ZMYM4: variants seen among roughly 807,000 people sequenced by gnomAD.
ZMYM4 encodes the protein zinc finger MYM-type protein 4.
A neutral mutation model predicts 183.2 loss-of-function variants in ZMYM4; 31 were observed. That is an observed-to-expected ratio of 0.17 (90% CI 0.13 to 0.23). The LOEUF (loss-of-function observed/expected upper bound fraction) is 0.23. ZMYM4 is among the 10% of genes least tolerant of loss of function. The pLI is 1.00. For synonymous variants in ZMYM4, 592 were observed against 631.2 expected, an observed-to-expected ratio of 0.94 and a Z score of 0.93; for missense variants, 1,273 against 1,840.3, an observed-to-expected ratio of 0.69 and a Z score of 5.64.
Position 35,389,923 on chromosome 1 carries a change from T to C in ZMYM4, c.2437-25T>C. On this transcript the variant is annotated intron_variant, in intron 14 of 29. Coordinates refer to ENST00000314607, the MANE Select transcript of ZMYM4 (RefSeq NM_005095.3). This position sits in a 1 kb window ranked among gnomAD's most constrained non-coding sequence, Gnocchi z 4.0. ...AGACCACAGATAATTTGTTTCTTAC[T>C]CCTTGACTACCTTCTTCTTTTTAGA... The C allele has an allele frequency of 6.3e-7, 1 of 1,595,162 alleles. No individual in the cohort carries two copies. Among genetic ancestry groups the C allele is most frequent in the South Asian group, 1.1e-5 (1 of 89,332 alleles).
At chr1:35,289,847 G>T (rs754923362) in intron 1 of ZMYM4, among the ~76,000 whole-genome samples, 10 of 152,060 alleles carry the variant, frequency 6.6e-5, no homozygotes, top group Admixed American at 5.2e-4. Flanking sequence ...ATATCCTAAA[G>T]ACCTTTTTAG....
intron 5 of ZMYM4, among the ~76,000 whole-genome samples, chr1:35,369,384 C>A (rs1250333941): frequency 1.3e-5 from 2 of 151,998 alleles, no homozygotes; most frequent in African/African-American, 4.8e-5. Flanking sequence ...AAACAGCATT[C>A]TTTTAGAATT....
rs541621273 is a variant in ZMYM4, at chr1:35,337,849, A to G, written c.85+12444A>G. Reference sequence around the variant, plus strand: ...AGCTACTTGGGAGGCTGAGGCAGGAATATCCTTTGAACTCAGGAGGTGGAG... The same window carrying G: ...AGCTACTTGGGAGGCTGAGGCAGGAGTATCCTTTGAACTCAGGAGGTGGAG... On this transcript the variant is annotated intron_variant, in intron 2 of 29. Coordinates refer to ENST00000314607, the MANE Select transcript of ZMYM4 (RefSeq NM_005095.3). Among the ~76,000 whole-genome samples, 13 of 152,232 alleles carry G rather than the reference A, an allele frequency of 8.5e-5. 2 individuals are homozygous for G. The highest frequency in any genetic ancestry group is 2.6e-4 in the African/African-American group (11 of 41,558).
In ZMYM4 at chr1:35,272,081, C is replaced by CT. The variant is rs200989061; in HGVS notation, c.39+3004dup. Among the ~76,000 whole-genome samples, 268 of 152,042 alleles carry CT rather than the reference C, an allele frequency of 1.8e-3. 1 individual carries two copies. The highest frequency in any genetic ancestry group is 6.8e-3 in the Middle Eastern group (2 of 294). ...TAAATGATATAAGTACTTTTTTCCA[C>CT]TTTTTTTTGGTGTGTGCCAAATTAC... is the stretch of plus-strand genomic sequence containing the variant. On this transcript the variant is annotated intron_variant, in intron 1 of 29. Transcript: ENST00000314607.
At chr1:35,408,199 C>T in intron 26 of ZMYM4, 40 bp downstream of exon 26, 1 of 1,610,132 alleles carries the variant, frequency 6.2e-7, no homozygotes, top group Non-Finnish European at 8.5e-7. Flanking sequence ...CCTAGCAAAT[C>T]CATTGACCAG....
chr1:35,343,138 T>C (rs898135079), intron 2 of ZMYM4, among the ~76,000 whole-genome samples: 1 of 152,220 alleles, frequency 6.6e-6, no homozygotes, highest in African/African-American at 2.4e-5. Flanking sequence ...ATCTGTTCTT[T>C]GGATTGCCTT....
In ZMYM4 at chr1:35,370,544, C is replaced by T. The variant is rs1286009862; in HGVS notation, c.1098C>T (p.Ser366=). ...QRKGSTQLFC[S]TLCLTGYTVP... Reference sequence around the variant, plus strand: ...AAGGGTCTACTCAGCTATTCTGCTCCACACTGTGCCTCACTGGATATACAG... The same window carrying T: ...AAGGGTCTACTCAGCTATTCTGCTCTACACTGTGCCTCACTGGATATACAG... Residue 366 remains serine, a synonymous_variant, in exon 7 of 30, where the codon TCC becomes TCT. Transcript: ENST00000314607. The T allele has an allele frequency of 6.2e-7, 1 of 1,613,496 alleles. No homozygotes were observed. Among genetic ancestry groups the T allele is most frequent in the South Asian group, 1.1e-5 (1 of 91,048 alleles).
intron 25 of ZMYM4, among the ~76,000 whole-genome samples, chr1:35,407,092 A>T (rs1368519984): frequency 1.3e-5 from 2 of 152,176 alleles, no homozygotes; most frequent in African/African-American, 4.8e-5. Flanking sequence ...AGAGGGTGTT[A>T]TTCATTATTT....
rs142929752 is a variant in ZMYM4 at position 35,387,509 on chromosome 1, A to G, written c.2168A>G (p.Asn723Ser). ...TGTTCTGATGAATATAAGAAAATAA[A>G]TAATGTAATGGCAATGTGTGAATAT... is the stretch of plus-strand genomic sequence containing the variant. ...KNCSDEYKKI[N>S]NVMAMCEYCK... is the part of the protein sequence containing the mutation. Residue 723 changes from asparagine to serine, a missense_variant, in exon 13 of 30, where the codon AAT (asparagine) becomes AGT (serine). Transcript: ENST00000314607. The G allele has an allele frequency of 6.5e-4, 1,047 of 1,613,250 alleles. 3 individuals carry two copies. Among genetic ancestry groups the G allele is most frequent in the Middle Eastern group, 1.3e-3 (8 of 6,056 alleles).
In ZMYM4 at chr1:35,415,527, C is replaced by A; in HGVS notation, c.4122C>A (p.Tyr1374Ter). Residue 1374 changes from tyrosine (Y) to a stop codon, truncating the protein, a stop_gained, in exon 28 of 30, where the codon TAC becomes TAA. Coordinates refer to ENST00000314607, the MANE Select transcript of ZMYM4 (RefSeq NM_005095.3). LOFTEE classifies it high-confidence loss of function. ...HLWECKQLGA[Y>*]SPIVLLNTLL... Reference sequence around the variant, plus strand: ...GGGAGTGCAAACAGCTGGGCGCTTACTCACCAATCGTCCTTTTAAACACCC... The same window carrying A: ...GGGAGTGCAAACAGCTGGGCGCTTAATCACCAATCGTCCTTTTAAACACCC... 1.2e-6 allele frequency: 2 copies of A among 1,614,248 alleles called. No homozygotes were observed. The highest frequency in any genetic ancestry group is 8.5e-7 in the Non-Finnish European group (1 of 1,180,046).
intron 2 of ZMYM4, among the ~76,000 whole-genome samples, chr1:35,334,484 T>C (rs368981534): frequency 6.6e-6 from 1 of 152,302 alleles, no homozygotes; most frequent in East Asian, 1.9e-4. Context: ...TCAACTCCTG[T>C]AGAATTTGAG....
chr1:35,404,956 G>A, intron 23 of ZMYM4, 67 bp from the exon 24 acceptor site: 4 of 1,473,712 alleles, frequency 2.7e-6, no homozygotes, highest in Non-Finnish European at 3.6e-6. Context: ...TTCCAGCTTT[G>A]AGAACCCTGA....
chr1:35,358,343 AT>A (rs1643875209), intron 2 of ZMYM4, among the ~76,000 whole-genome samples: 1 of 152,194 alleles, frequency 6.6e-6, no homozygotes, highest in African/African-American at 2.4e-5. Flanking sequence ...ATTTATTTTT[AT>A]GTGTAAGTAT....
At chr1:35,271,958 C>T (rs1456181345) in intron 1 of ZMYM4, among the ~76,000 whole-genome samples, 3 of 152,108 alleles carry the variant, frequency 2.0e-5, no homozygotes, top group African/African-American at 7.2e-5. Flanking sequence ...GGGAAACCCC[C>T]TCTCTAGAAA....
chr1:35,284,120 G>A (rs370832767), intron 1 of ZMYM4, among the ~76,000 whole-genome samples: 106 of 151,966 alleles, frequency 7.0e-4, no homozygotes, highest in African/African-American at 2.1e-3. Flanking sequence ...GGGACTACAG[G>A]TGCCCGCCAC....
rs373090623 is a variant in ZMYM4, at chr1:35,349,757, G to C, written c.86-9168G>C. Among the ~76,000 whole-genome samples the C allele has an allele frequency of 3.4e-3, 512 of 151,324 alleles. 2 individuals are homozygous for C. The highest frequency in any genetic ancestry group is 4.8e-3 in the Non-Finnish European group (324 of 67,888). On this transcript the variant is annotated intron_variant, in intron 2 of 29. Transcript: ENST00000314607. Reference sequence around the variant, plus strand: ...AGGCAGGAGAATTGCTTGAACCCGGGCAGTGGAAGTTGCAGTGAGCTGAGA... The same window carrying C: ...AGGCAGGAGAATTGCTTGAACCCGGCCAGTGGAAGTTGCAGTGAGCTGAGA...
chr1:35,371,073 G>T lies in ZMYM4; in HGVS notation c.1181+446G>T, dbSNP rs568865257. On this transcript the variant is annotated intron_variant, in intron 7 of 29. Coordinates refer to ENST00000314607, the MANE Select transcript of ZMYM4 (RefSeq NM_005095.3). The stretch of plus-strand genomic sequence containing the variant: ...CTTAAATGGCTTCCAGTGTGTGTGT[G>T]TGTGTGTGTGTGTGTGTGTGTGTGT... Among the ~76,000 whole-genome samples, 314 of 112,448 alleles carry T rather than the reference G, an allele frequency of 2.8e-3. 2 individuals carry two copies. Among genetic ancestry groups the T allele is most frequent in the African/African-American group, 0.013 (308 of 23,138 alleles). The allele number at this position is 112,448 out of a possible 152,430, so 73.8% of individuals were successfully genotyped here.
chr1:35,269,138 G>A (rs944291189), intron 1 of ZMYM4, 53 bp downstream of exon 1: 4 of 1,541,146 alleles, frequency 2.6e-6, no homozygotes, highest in East Asian at 2.5e-5. Flanking sequence ...GCGGCCCGGG[G>A]CCGGGAATGG....
chr1:35,280,079 A>T (rs1052325086), intron 1 of ZMYM4, among the ~76,000 whole-genome samples: 4 of 150,356 alleles, frequency 2.7e-5, no homozygotes, highest in African/African-American at 9.8e-5. Context: ...CCACCTTTAC[A>T]TTTTTTTTTC....
Sources: gnomAD v4.1 joint callset for allele counts (sites outside exome capture counted in the v4.1 genomes callset) on GRCh38, gnomAD v4.1.1 for gene constraint, Gnocchi (gnomAD v3.1) non-coding constraint, MANE v1.5 for transcripts, NCBI Gene and HGNC (gene_info 2026-07-23, HGNC 2026-07-21) for gene names.